PTK2: variants seen among roughly 807,000 people sequenced by gnomAD.
The protein encoded by PTK2 is protein tyrosine kinase 2.
In PTK2, 45 loss-of-function variants were observed where a neutral mutation model predicts 150.1. The observed-to-expected ratio is 0.30, with a 90% CI of 0.24 to 0.38. PTK2 has a LOEUF of 0.38. PTK2 is among the 10% of genes least tolerant of loss of function. PTK2 has a pLI of 1.00. For synonymous variants in PTK2, 432 were observed against 449.2 expected (o/e 0.96, Z 0.48); for missense variants, 919 against 1,307.3 (o/e 0.70, Z 4.58).
At chr8:140,900,338 C>G (rs2100157934) in intron 2 of PTK2, among the ~76,000 whole-genome samples, 1 of 152,108 alleles carries the variant, frequency 6.6e-6, no homozygotes, top group African/African-American at 2.4e-5. Context: ...ACATTTACAA[C>G]AGCTACAAAA....
intron 1 of PTK2, among the ~76,000 whole-genome samples, chr8:140,979,006 A>C (rs2100190383): frequency 6.6e-6 from 1 of 151,436 alleles, no homozygotes; most frequent in African/African-American, 2.4e-5. Context: ...AACTATCGCA[A>C]GGACAAAAAA....
At chr8:140,740,753 G>A (rs1314734268) in intron 20 of PTK2, among the ~76,000 whole-genome samples, 2 of 152,224 alleles carry the variant, frequency 1.3e-5, no homozygotes, top group African/African-American at 4.8e-5. Flanking sequence ...TAGAAATAAT[G>A]AAAAGTTGAC....
At chr8:140,720,313 A>G in intron 22 of PTK2, among the ~76,000 whole-genome samples, 1 of 152,194 alleles carries the variant, frequency 6.6e-6, no homozygotes, top group Admixed American at 6.5e-5. Context: ...TGACACTTAA[A>G]TATTTGCTAA....
At chr8:140,861,119 C>T (rs1012131813) in intron 5 of PTK2, among the ~76,000 whole-genome samples, 11 of 152,146 alleles carry the variant, frequency 7.2e-5, no homozygotes, top group African/African-American at 2.2e-4. Flanking sequence ...GGCGGAAGGA[C>T]TGCTTCAGGA....
At chr8:140,922,029 T>G (rs1353544628) in intron 2 of PTK2, among the ~76,000 whole-genome samples, 1 of 127,540 alleles carries the variant, frequency 7.8e-6, no homozygotes, top group African/African-American at 2.5e-5. Flanking sequence ...TTGTTAGTAG[T>G]ACATTTGTAT....
At chr8:140,826,570 T>C (rs2100111883) in intron 8 of PTK2, among the ~76,000 whole-genome samples, 1 of 152,208 alleles carries the variant, frequency 6.6e-6, no homozygotes, top group South Asian at 2.1e-4. Context: ...AAATTAATTC[T>C]ATTTACATCA....
At chr8:140,739,163 CAG>C in intron 20 of PTK2, 56 bp from the exon 24 acceptor site, 1 of 1,186,640 alleles carries the variant, frequency 8.4e-7, no homozygotes, top group Non-Finnish European at 1.2e-6. Context: ...AAGAATCTAA[CAG>C]AGCTAGCTGA....
intron 14 of PTK2, among the ~76,000 whole-genome samples, chr8:140,766,770 C>T (rs77145968): frequency 0.02 from 3,035 of 152,300 alleles, 113 homozygotes; most frequent in African/African-American, 0.068. Flanking sequence ...CTGCAATACA[C>T]GTGACAAAAT....
chr8:140,850,376 AG>A (rs1567527589), intron 5 of PTK2, among the ~76,000 whole-genome samples: 1 of 151,268 alleles, frequency 6.6e-6, no homozygotes, highest in African/African-American at 2.4e-5. Context: ...CAGAGAGCCA[AG>A]ATCGTGCCAT....
At chr8:140,977,167 A>G (rs548288133) in intron 1 of PTK2, among the ~76,000 whole-genome samples, 1 of 152,322 alleles carries the variant, frequency 6.6e-6, no homozygotes, top group Admixed American at 6.5e-5. Context: ...AGGCGGGAAG[A>G]CTGCTTAAGC....
At chr8:140,895,988 T>C (rs1189812407) in intron 2 of PTK2, among the ~76,000 whole-genome samples, 1 of 150,878 alleles carries the variant, frequency 6.6e-6, no homozygotes, top group Non-Finnish European at 1.5e-5. Context: ...ATAAAATGAG[T>C]CAAGAAAAAC....
chr8:140,713,299 C>T (rs1420154041), intron 23 of PTK2, among the ~76,000 whole-genome samples: 1 of 152,154 alleles, frequency 6.6e-6, no homozygotes, highest in African/African-American at 2.4e-5. Flanking sequence ...CTTGCTCTGT[C>T]TCCCAGGCTG....
rs534573236 is a variant in PTK2, at chr8:140,752,054, C to T, written c.1417+178G>A. On this transcript the variant is annotated intron_variant, in intron 17 of 31. Transcript: ENST00000522684. ...TTACACATAAAACATGATGGTTTAC[C>T]TGGAAAAATCTGTAGATAGGTGCTT... is the stretch of plus-strand genomic sequence containing the variant. 4.0e-5 allele frequency: 28 copies of T among 698,548 alleles called. 1 individual carries two copies. In the South Asian group the frequency reaches 4.3e-4, roughly 11 times the overall value. 43.3% of individuals were successfully genotyped at this position (698,548 alleles called of 1,614,324 possible).
chr8:140,731,235 C>T (rs1276790186), intron 22 of PTK2, among the ~76,000 whole-genome samples: 1 of 152,172 alleles, frequency 6.6e-6, no homozygotes, highest in Non-Finnish European at 1.5e-5. Context: ...GCTGGGATTA[C>T]AGGCTTGAGC....
intron 1 of PTK2, among the ~76,000 whole-genome samples, chr8:140,970,864 G>A (rs1251469777): frequency 1.8e-4 from 17 of 92,454 alleles, no homozygotes; most frequent in African/African-American, 4.4e-4. Context: ...CAACATGTCT[G>A]ACTACAACAG....
chr8:140,931,098 A>G (rs1345356858), intron 1 of PTK2, among the ~76,000 whole-genome samples: 1 of 151,810 alleles, frequency 6.6e-6, no homozygotes, highest in African/African-American at 2.4e-5. Flanking sequence ...GAAAAAGAAA[A>G]AGAGAAAATT....
intron 14 of PTK2, among the ~76,000 whole-genome samples, chr8:140,780,631 C>T (rs2100081137): frequency 6.6e-6 from 1 of 152,224 alleles, no homozygotes; most frequent in African/African-American, 2.4e-5. Context: ...ACAGGAGATA[C>T]TCAAGCAAAT....
intron 16 of PTK2, among the ~76,000 whole-genome samples, chr8:140,757,634 A>G (rs1371837042): frequency 4.6e-5 from 7 of 152,204 alleles, no homozygotes; most frequent in Non-Finnish European, 1.5e-5. Context: ...ACTGAAGAAA[A>G]AAATGGTCAT....
Position 140,866,966 on chromosome 8 carries a change from TAC to T in PTK2, c.363-2569_363-2568del, listed in dbSNP as rs568489345. On this transcript the variant is annotated intron_variant, in intron 4 of 31. Coordinates refer to ENST00000522684, the Ensembl canonical transcript of PTK2. Reference sequence around the variant, plus strand: ...ATAAAGGAGATGAGGAAGGGAGTTATACAGTTATATGCAGAGAAAAAGTGTTC... The same window carrying T: ...ATAAAGGAGATGAGGAAGGGAGTTATAGTTATATGCAGAGAAAAAGTGTTC... Among the ~76,000 whole-genome samples the T allele has an allele frequency of 4.2e-3, 642 of 152,300 alleles. 2 individuals are homozygous for T. The highest frequency in any genetic ancestry group is 6.0e-3 in the Non-Finnish European group (409 of 68,014).
Sources: allele counts gnomAD v4.1 joint callset (sites outside exome capture counted in the v4.1 genomes callset), GRCh38; gene constraint gnomAD v4.1.1; transcripts MANE v1.5; gene names NCBI Gene and HGNC (gene_info 2026-07-23, HGNC 2026-07-21).